Variants in DOCK8 observed in about 807,000 individuals in gnomAD.
DOCK8 encodes dedicator of cytokinesis 8.
DOCK8 carries 141 observed loss-of-function variants against 245.6 expected under a neutral mutation model. The observed-to-expected ratio is 0.57, with a 90% CI of 0.50 to 0.66. DOCK8 has a LOEUF of 0.66. DOCK8 is among the 30% of genes least tolerant of loss of function. The pLI, the probability that DOCK8 is intolerant of heterozygous loss-of-function variation, is 0.00. For missense variants in DOCK8, 2,965 were observed against 2,603.4 expected (o/e 1.14, Z -3.02); for synonymous variants, 1,168 against 970.2 (o/e 1.20, Z -3.79).
At chr9:400,335 C>T (rs1198506599) in intron 26 of DOCK8, among the ~76,000 whole-genome samples, 1 of 95,920 alleles carries the variant, frequency 1.0e-5, no homozygotes, top group Non-Finnish European at 2.1e-5. Flanking sequence ...CCACCACCAC[C>T]TCCTCCACCA....
At chr9:278,932 C>T (rs1017806949) in intron 2 of DOCK8, among the ~76,000 whole-genome samples, 2 of 152,198 alleles carry the variant, frequency 1.3e-5, no homozygotes, top group Admixed American at 6.5e-5. Flanking sequence ...ATGAGGATCA[C>T]TCTGGCTGCA....
chr9:323,496 C>T (rs2050617295), intron 7 of DOCK8, among the ~76,000 whole-genome samples: 1 of 152,130 alleles, frequency 6.6e-6, no homozygotes, highest in South Asian at 2.1e-4. Context: ...GCTGGGATTA[C>T]AGGCATGAGC....
intron 20 of DOCK8, among the ~76,000 whole-genome samples, chr9:377,826 C>T (rs1282934392): frequency 6.6e-6 from 1 of 152,186 alleles, no homozygotes; most frequent in East Asian, 1.9e-4. Flanking sequence ...TTACTTTTAA[C>T]AAGTTAACAC....
At chr9:346,106 A>T (rs1166688116) in intron 14 of DOCK8, among the ~76,000 whole-genome samples, 1 of 151,772 alleles carries the variant, frequency 6.6e-6, no homozygotes, top group Non-Finnish European at 1.5e-5. Context: ...CAGGCAGGAC[A>T]CTCTGAGAAA....
chr9:355,192 C>CTTTTTTT (rs749045514), intron 14 of DOCK8, among the ~76,000 whole-genome samples: 29 of 121,096 alleles, frequency 2.4e-4, no homozygotes, highest in Admixed American at 7.9e-4. Context: ...TGTTTCTTTT[C>CTTTTTTT]TTTTTTTTTT....
chr9:264,520 A>G (rs1587687457), intron 1 of DOCK8, among the ~76,000 whole-genome samples: 1 of 152,254 alleles, frequency 6.6e-6, no homozygotes, highest in Non-Finnish European at 1.5e-5. Flanking sequence ...ATGAGAAACG[A>G]TAAAACCTGA....
intron 2 of DOCK8, among the ~76,000 whole-genome samples, chr9:274,475 T>TTTC (rs757292537): frequency 4.9e-5 from 6 of 121,958 alleles, no homozygotes; most frequent in African/African-American, 1.7e-4. Flanking sequence ...CTTTTTTTTT[T>TTTC]CTTTTCTTTC....
intron 1 of DOCK8, among the ~76,000 whole-genome samples, chr9:235,999 C>A (rs1176094249): frequency 6.6e-6 from 1 of 152,228 alleles, no homozygotes; most frequent in East Asian, 1.9e-4. Flanking sequence ...GTCGCTCACG[C>A]TGGGAGCTGT....
intron 15 of DOCK8, chr9:368,487 A>G (rs2131186515): frequency 3.4e-6 from 2 of 593,222 alleles, no homozygotes; most frequent in Non-Finnish European, 6.0e-6. Flanking sequence ...AGTGTCTTCC[A>G]TGCACAAACT....
chr9:232,686 A>C (rs1470189897), intron 1 of DOCK8, among the ~76,000 whole-genome samples: 1 of 152,122 alleles, frequency 6.6e-6, no homozygotes, highest in East Asian at 1.9e-4. Context: ...ATTTGCAAAG[A>C]GGTGTTTATA....
intron 4 of DOCK8, among the ~76,000 whole-genome samples, chr9:294,965 G>A (rs986782835): frequency 6.6e-6 from 1 of 152,178 alleles, no homozygotes; most frequent in Admixed American, 6.5e-5. Context: ...TTCCAGACCA[G>A]CCTGACCAAC....
Position 401,001 on chromosome 9 carries a change from C to T in DOCK8, c.3234+1742C>T, listed in dbSNP as rs201492446. ...ATCACCACCTCCTCCACCACCACCACCATTAGCTCCACCATGACCACCTCC... is the reference window on the plus strand; with the variant it reads ...ATCACCACCTCCTCCACCACCACCATCATTAGCTCCACCATGACCACCTCC... On this transcript the variant is annotated intron_variant, in intron 26 of 47. Coordinates refer to ENST00000432829, the MANE Select transcript of DOCK8 (RefSeq NM_203447.4). Among the ~76,000 whole-genome samples the T allele has an allele frequency of 3.8e-3, 540 of 143,200 alleles. 41 individuals carry two copies. Among genetic ancestry groups the T allele is most frequent in the Middle Eastern group, 0.023 (6 of 264 alleles). 93.9% of individuals were successfully genotyped at this position (143,200 alleles called of 152,430 possible).
At chr9:271,292 CA>C (rs1240887485) in intron 1 of DOCK8, among the ~76,000 whole-genome samples, 7 of 152,320 alleles carry the variant, frequency 4.6e-5, no homozygotes, top group African/African-American at 1.4e-4. Context: ...CAGACATCCT[CA>C]CATAGAGAAA....
chr9:387,433 A>G (rs1243126045), intron 23 of DOCK8, among the ~76,000 whole-genome samples: 1 of 146,860 alleles, frequency 6.8e-6, no homozygotes, highest in Non-Finnish European at 1.5e-5. Flanking sequence ...ACAGAATGAG[A>G]CTCCATTTCA....
chr9:423,286 A>G (rs1462459326), intron 33 of DOCK8, among the ~76,000 whole-genome samples: 2 of 152,234 alleles, frequency 1.3e-5, no homozygotes, highest in Admixed American at 6.5e-5. Context: ...TATATGCAAC[A>G]ATTTAGACAT....
intron 22 of DOCK8, 40 bp from the exon 23 acceptor site, chr9:386,291 A>T: frequency 6.4e-7 from 1 of 1,567,304 alleles, no homozygotes; most frequent in African/African-American, 1.4e-5. Flanking sequence ...TTACCTTTCC[A>T]TGGTTGGTTG....
chr9:400,186 TTCACCATCACCATCA>T (rs2054775909), intron 26 of DOCK8, among the ~76,000 whole-genome samples: 6 of 57,482 alleles, frequency 1.0e-4, no homozygotes, highest in Non-Finnish European at 2.1e-4. Flanking sequence ...CACCACCTCC[TTCACCATCACCATCA>T]CCACCACCTC....
At chr9:303,727 C>T (rs10757847) in intron 4 of DOCK8, among the ~76,000 whole-genome samples, 82,658 of 151,984 alleles carry the variant, frequency 0.54, 22,796 homozygotes, top group East Asian at 0.76. Flanking sequence ...ATCATGCATA[C>T]ATCAAACCTA....
chr9:334,127 A>C, intron 10 of DOCK8, 98 bp from the exon 11 acceptor site: 1 of 1,323,678 alleles, frequency 7.6e-7, no homozygotes, highest in Non-Finnish European at 1.1e-6. Flanking sequence ...TTTAATCAGT[A>C]GGGTTTGGAT....
Sources: gnomAD v4.1 joint callset for allele counts (sites outside exome capture counted in the v4.1 genomes callset) on GRCh38, gnomAD v4.1.1 for gene constraint, MANE v1.5 for transcripts, NCBI Gene and HGNC (gene_info 2026-07-23, HGNC 2026-07-21) for gene names.